ARHGAP6: variants seen among roughly 807,000 people sequenced by gnomAD.
The protein encoded by ARHGAP6 is rho GTPase-activating protein 6.
ARHGAP6 carries 16 observed loss-of-function variants against 55.7 expected under a neutral mutation model. The ratio of observed to expected loss-of-function variants is 0.29; its 90% CI spans 0.19 to 0.44. The LOEUF (loss-of-function observed/expected upper bound fraction) is 0.44, where lower values mean the gene tolerates loss of function less well. ARHGAP6 is among the 20% of genes least tolerant of loss of function. ARHGAP6 has a pLI of 1.00. For missense variants in ARHGAP6, 698 were observed against 808.9 expected, an observed-to-expected ratio of 0.86 and a Z score of 1.66; for synonymous variants, 382 against 360.9, an observed-to-expected ratio of 1.06 and a Z score of -0.66.
In ARHGAP6 at chrX:11,188,971, C is replaced by G. The variant is rs1272104724; in HGVS notation, c.834G>C (p.Gln278His). ...EKNKDKEFIP[Q>H]AFGMPLSQVI... ...CTTGGGATAAGGGCATTCCAAATGCCTGTGGGATGAATTCTGGAATCAAAA... is the reference window on the plus strand; with the variant it reads ...CTTGGGATAAGGGCATTCCAAATGCGTGTGGGATGAATTCTGGAATCAAAA... The change falls in exon 4 of 13, where the codon CAG becomes CAC. Residue 278 changes from glutamine to histidine, a missense_variant. Physicochemically the swap from Gln to His is conservative, Grantham distance 24. Around this residue, in one of 3 missense-constraint regions of ARHGAP6, gnomAD observed 322 missense variants for 451.1 expected, o/e 0.71. Transcript: ENST00000337414. The G allele has an allele frequency of 8.3e-7, 1 of 1,206,847 alleles. No homozygotes were observed. Among genetic ancestry groups the G allele is most frequent in the African/African-American group, 1.8e-5 (1 of 56,967 alleles).
intron 1 of ARHGAP6, among the ~76,000 whole-genome samples, chrX:11,397,813 G>A (rs975869539): frequency 1.8e-5 from 2 of 111,732 alleles, no homozygotes; most frequent in Non-Finnish European, 3.8e-5. Context: ...AGCCCAGGGA[G>A]GTCGAAGCTG....
intron 1 of ARHGAP6, among the ~76,000 whole-genome samples, chrX:11,536,521 A>G (rs746993483): frequency 8.9e-6 from 1 of 112,101 alleles, no homozygotes; most frequent in South Asian, 3.7e-4. Flanking sequence ...TATTCTCCAA[A>G]TAAACTCCTT....
rs761266586 is a variant in ARHGAP6 at position 11,275,625 on chromosome X, A to G, written c.589-20918T>C. On this transcript the variant is annotated intron_variant, in intron 1 of 12. Coordinates refer to ENST00000337414, the MANE Select transcript of ARHGAP6 (RefSeq NM_013427.3). ...AACTCATCTTGTCCCTTCCCTTTTG[A>G]AAGCCATCATTGAGGCTCCTAGCTT... is the stretch of plus-strand genomic sequence containing the variant. Among the ~76,000 whole-genome samples, 5 of 111,767 alleles carry G rather than the reference A, an allele frequency of 4.5e-5. No homozygotes were observed. The South Asian group carries it at 1.9e-3, about 42-fold the overall frequency.
chrX:11,241,161 C>T (rs746181773), intron 2 of ARHGAP6, among the ~76,000 whole-genome samples: 2 of 109,291 alleles, frequency 1.8e-5, no homozygotes, highest in African/African-American at 6.7e-5. Context: ...AGAGAGAAGA[C>T]TGCTTCCAGT....
At chrX:11,418,526 A>AG (rs1382611379) in intron 1 of ARHGAP6, among the ~76,000 whole-genome samples, 1 of 111,938 alleles carries the variant, frequency 8.9e-6, no homozygotes, top group Non-Finnish European at 1.9e-5. Flanking sequence ...ATGGGCTTAG[A>AG]GGGAAAAAAA....
At chrX:11,269,241 T>A (rs977136589) in intron 1 of ARHGAP6, among the ~76,000 whole-genome samples, 4 of 111,643 alleles carry the variant, frequency 3.6e-5, no homozygotes, top group African/African-American at 1.3e-4. Flanking sequence ...TTGAAACTCC[T>A]CCTATACTTC....
chrX:11,467,759 C>A (rs1001790128), intron 1 of ARHGAP6, among the ~76,000 whole-genome samples: 9 of 110,682 alleles, frequency 8.1e-5, no homozygotes, highest in Middle Eastern at 4.6e-3. Context: ...ATGGGTGAAT[C>A]GCTTGAGCCC....
intron 2 of ARHGAP6, among the ~76,000 whole-genome samples, chrX:11,234,489 C>T (rs1003113854): frequency 8.9e-6 from 1 of 112,498 alleles, no homozygotes; most frequent in Non-Finnish European, 1.9e-5. Context: ...GCTCAAATAT[C>T]AAGTGAATGA....
At chrX:11,412,100 T>A (rs900003134) in intron 1 of ARHGAP6, among the ~76,000 whole-genome samples, 16 of 111,898 alleles carry the variant, frequency 1.4e-4, no homozygotes, top group Non-Finnish European at 1.9e-4. Context: ...ACCCCAGAAT[T>A]TCAGTGTTTG....
At chrX:11,270,440 G>C (rs983540869) in intron 1 of ARHGAP6, among the ~76,000 whole-genome samples, 2 of 111,709 alleles carry the variant, frequency 1.8e-5, no homozygotes, top group African/African-American at 6.5e-5. Flanking sequence ...ATGAAACAGA[G>C]AAAAGAAAGC....
At position 11,621,185 on chromosome X, in the gene ARHGAP6, G is replaced by C. The variant is rs142556086; in HGVS notation, c.588+43056C>G. ...ACGGACATACATGAACAGAGAGCAA[G>C]AGACAGAAGAACACAAACAAAAAAT... is the stretch of plus-strand genomic sequence containing the variant. On this transcript the variant is annotated intron_variant, in intron 1 of 12. Transcript: ENST00000337414. Among the ~76,000 whole-genome samples, 667 of 112,072 alleles carry C rather than the reference G, an allele frequency of 6.0e-3. 3 individuals carry two copies. The highest frequency in any genetic ancestry group is 7.3e-3 in the Non-Finnish European group (391 of 53,223).
chrX:11,524,758 G>A (rs2050971752), intron 1 of ARHGAP6, among the ~76,000 whole-genome samples: 1 of 110,924 alleles, frequency 9.0e-6, no homozygotes, highest in South Asian at 3.8e-4. Flanking sequence ...TACATTTAAT[G>A]TGCACCTTAT....
At chrX:11,442,193 T>G (rs2050046153) in intron 1 of ARHGAP6, among the ~76,000 whole-genome samples, 1 of 110,783 alleles carries the variant, frequency 9.0e-6, no homozygotes, top group Admixed American at 9.7e-5. Context: ...TTAATATTTT[T>G]CTTTCCTTTA....
rs774774396 is a variant in ARHGAP6, at chrX:11,436,418, C to T, written c.589-181711G>A. Among the ~76,000 whole-genome samples, 35 of 112,373 alleles carry T rather than the reference C, an allele frequency of 3.1e-4. No homozygotes were observed. In the South Asian group the frequency reaches 0.013, roughly 42 times the overall value. On this transcript the variant is annotated intron_variant, in intron 1 of 12. Coordinates refer to ENST00000337414, the MANE Select transcript of ARHGAP6 (RefSeq NM_013427.3). ...GAGGGGATGTCATACATAAGAAAGT[C>T]TTGTCCATATTTCTTCAGAAAGCTG...
At chrX:11,208,407 C>T (rs1338642151) in intron 2 of ARHGAP6, among the ~76,000 whole-genome samples, 1 of 111,706 alleles carries the variant, frequency 9.0e-6, no homozygotes, top group Non-Finnish European at 1.9e-5. Context: ...ACAGTGAGTG[C>T]TGTGTTTCCC....
At chrX:11,147,580 T>C in intron 10 of ARHGAP6, among the ~76,000 whole-genome samples, 1 of 112,808 alleles carries the variant, frequency 8.9e-6, no homozygotes, top group East Asian at 2.8e-4. Context: ...TTTTCCATTT[T>C]CCACTTCTAA....
intron 1 of ARHGAP6, among the ~76,000 whole-genome samples, chrX:11,263,014 C>G (rs952982363): frequency 7.2e-5 from 8 of 110,754 alleles, no homozygotes; most frequent in African/African-American, 2.6e-4. Context: ...CATCACCACT[C>G]TAAATTTGCA....
chrX:11,215,955 C>T (rs1396831931), intron 2 of ARHGAP6, among the ~76,000 whole-genome samples: 1 of 111,574 alleles, frequency 9.0e-6, no homozygotes, highest in African/African-American at 3.3e-5. Context: ...ACCAGGGTTA[C>T]AGATACTCTT....
chrX:11,151,939 C>T (rs1030060994), intron 10 of ARHGAP6, among the ~76,000 whole-genome samples: 13 of 111,839 alleles, frequency 1.2e-4, no homozygotes, highest in South Asian at 7.4e-4. Flanking sequence ...TTAAAGTGAA[C>T]GGGTTCTCTC....
Sources: allele counts gnomAD v4.1 joint callset (sites outside exome capture counted in the v4.1 genomes callset), GRCh38; gene constraint gnomAD v4.1.1; regional missense constraint gnomAD v4.1.1; transcripts MANE v1.5; gene names NCBI Gene and HGNC (gene_info 2026-07-23, HGNC 2026-07-21).